SOD2: variants seen among roughly 807,000 people sequenced by gnomAD.
The protein encoded by SOD2 is superoxide dismutase [Mn], mitochondrial.
SOD2 carries 11 observed loss-of-function variants against 27.0 expected under a neutral mutation model. The ratio of observed to expected loss-of-function variants is 0.41; its 90% CI spans 0.26 to 0.67. The LOEUF (loss-of-function observed/expected upper bound fraction) is 0.67, where lower values mean the gene tolerates loss of function less well. SOD2 is among the 30% of genes least tolerant of loss of function. The pLI is 0.34. For missense variants in SOD2, 250 were observed against 274.5 expected, an observed-to-expected ratio of 0.91 and a Z score of 0.63; for synonymous variants, 105 against 103.0, an observed-to-expected ratio of 1.02 and a Z score of -0.12.
rs1441475094 is a variant in SOD2, at chr6:159,673,727, A to G, written c.*8766T>C. 1 of 152,222 alleles carries G rather than the reference A, an allele frequency of 6.6e-6. No individual in the cohort carries two copies. Among genetic ancestry groups the G allele is most frequent in the Non-Finnish European group, 1.5e-5 (1 of 68,032 alleles). 9.4% of individuals were successfully genotyped at this position (152,222 alleles called of 1,614,324 possible). On this transcript the variant is annotated 3_prime_UTR_variant, in exon 5 of 5. Transcript: ENST00000538183. ...GCAAACACATTCAACAGCTAGCAGA[A>G]GACAAGAAATAACTAAGATCAGAGC... is the stretch of plus-strand genomic sequence containing the variant.
intron 1 of SOD2, among the ~76,000 whole-genome samples, chr6:159,724,817 A>G (rs534208941): frequency 3.3e-5 from 5 of 149,626 alleles, no homozygotes; most frequent in African/African-American, 1.2e-4. Context: ...GTACCACTGC[A>G]CTCCAGCCTG....
At chr6:159,745,717 A>T (rs774300529), upstream of SOD2, among the ~76,000 whole-genome samples, 3 of 152,180 alleles carry the variant, frequency 2.0e-5, no homozygotes, top group Non-Finnish European at 4.4e-5. Context: ...TTAGATTTAC[A>T]TTTTAGGTAG....
At chr6:159,732,978 C>A (rs1040827150) in intron 1 of SOD2, among the ~76,000 whole-genome samples, 1 of 151,056 alleles carries the variant, frequency 6.6e-6, no homozygotes, top group South Asian at 2.1e-4. Flanking sequence ...GATTTGATAT[C>A]TGGGTTCTAA....
intron 1 of SOD2, chr6:159,739,131 T>G: frequency 9.0e-7 from 1 of 1,109,576 alleles, no homozygotes; most frequent in Non-Finnish European, 1.3e-6. Context: ...GTGCCAGATA[T>G]TGTTTTTAAT....
chr6:159,692,825 C>T lies in SOD2; in HGVS notation c.62G>A (p.Gly21Asp), dbSNP rs1296673698. 3.7e-6 allele frequency: 6 copies of T among 1,613,354 alleles called. No individual in the cohort carries two copies. Among genetic ancestry groups the T allele is most frequent in the Middle Eastern group, 1.7e-4 (1 of 6,056 alleles). The change falls in exon 2 of 5, where the codon GGC becomes GAC. Residue 21 changes from glycine to aspartate, a missense_variant. Coordinates refer to ENST00000538183, the MANE Select transcript of SOD2 (RefSeq NM_000636.4). ...RQLAPVLGYL[G>D]SRQKHSLPDL... ...GGGGAGGCTGTGCTTCTGCCTGGAG[C>T]CCAGATACCCCAAAACCGGAGCCAG...
intron 3 of SOD2, among the ~76,000 whole-genome samples, chr6:159,686,466 G>A (rs1179378576): frequency 6.6e-6 from 1 of 152,006 alleles, no homozygotes; most frequent in Admixed American, 6.6e-5. Flanking sequence ...GACCAACATG[G>A]AGAAACTCCT....
rs1323912305 is a variant in SOD2 at position 159,674,568 on chromosome 6, A to T, written c.*7925T>A. 3 of 152,250 alleles carry T rather than the reference A, an allele frequency of 2.0e-5. No homozygotes were observed. Among genetic ancestry groups the T allele is most frequent in the Non-Finnish European group, 4.4e-5 (3 of 68,052 alleles). 9.4% of individuals were successfully genotyped at this position (152,250 alleles called of 1,614,324 possible). On this transcript the variant is annotated 3_prime_UTR_variant, in exon 5 of 5. Coordinates refer to ENST00000538183, the MANE Select transcript of SOD2 (RefSeq NM_000636.4). ...ACAGCCCTTCATGCTAAAAACTCTC[A>T]ATGAATTAGGTATTGATGGGACATA...
chr6:159,690,336 C>A (rs563116988), intron 2 of SOD2, among the ~76,000 whole-genome samples: 14 of 150,906 alleles, frequency 9.3e-5, no homozygotes, highest in African/African-American at 3.4e-4. Context: ...GTGGCTCACA[C>A]CTGTAATCCC....
chr6:159,726,026 G>A (rs41267779), intron 1 of SOD2: 2 of 152,158 alleles, frequency 1.3e-5, no homozygotes, highest in Non-Finnish European at 2.9e-5. Context: ...ATGACAAATA[G>A]CACTGCAATA....
chr6:159,739,011 T>C (rs1489462820), intron 1 of SOD2: 1 of 1,612,462 alleles, frequency 6.2e-7, no homozygotes, highest in Admixed American at 1.7e-5. Context: ...TGAAACAGAC[T>C]TCAAAGTTAT....
At chr6:159,732,241 A>C (rs200510625), upstream of SOD2, among the ~76,000 whole-genome samples, 8 of 152,346 alleles carry the variant, frequency 5.3e-5, no homozygotes, top group East Asian at 1.3e-3. Context: ...AATAACTTTT[A>C]TAAGCTGGAA....
upstream of SOD2, chr6:159,748,973 A>G: frequency 9.5e-7 from 1 of 1,055,804 alleles, no homozygotes; most frequent in Non-Finnish European, 1.1e-6. This position sits in a 1 kb window ranked among gnomAD's most constrained non-coding sequence, Gnocchi z 5.6. Context: ...GCTGAGAACC[A>G]ACTTTCAATA....
At chr6:159,726,755 CCA>C in intron 1 of SOD2, 7 of 1,287,642 alleles carry the variant, frequency 5.4e-6, no homozygotes, top group Non-Finnish European at 7.1e-6. Flanking sequence ...CGATGCGTCT[CCA>C]GAGATGTCAA....
chr6:159,754,114 G>A (rs1222734313), intron 1 of SOD2, among the ~76,000 whole-genome samples: 2 of 152,188 alleles, frequency 1.3e-5, no homozygotes, highest in African/African-American at 4.8e-5. Context: ...AAGTGTAGCT[G>A]TATCTCTGTT....
At chr6:159,743,845 C>A in intron 1 of SOD2, 1 of 1,521,606 alleles carries the variant, frequency 6.6e-7, no homozygotes, top group Non-Finnish European at 8.8e-7. Flanking sequence ...GGTTTTTAGT[C>A]CACATTATTA....
upstream of SOD2, among the ~76,000 whole-genome samples, chr6:159,695,804 T>A (rs550076887): frequency 6.6e-6 from 1 of 152,288 alleles, no homozygotes; most frequent in South Asian, 2.1e-4. Context: ...TGGCTGCCTT[T>A]TTTTTAGGTG....
chr6:159,691,716 G>C (rs1383338156), intron 2 of SOD2: 1 of 118,300 alleles, frequency 8.5e-6, no homozygotes, highest in Admixed American at 1.0e-4. Context: ...TTTATCAACC[G>C]AGCTCTTGAG....
intron 1 of SOD2, among the ~76,000 whole-genome samples, chr6:159,715,795 G>A (rs1464457048): frequency 5.9e-5 from 9 of 152,044 alleles, no homozygotes; most frequent in African/African-American, 2.2e-4. Flanking sequence ...AGCTACCTGG[G>A]GGGCTGAGGT....
At chr6:159,703,657 A>G (rs1777566793) in intron 1 of SOD2, among the ~76,000 whole-genome samples, 1 of 152,184 alleles carries the variant, frequency 6.6e-6, no homozygotes, top group Non-Finnish European at 1.5e-5. Flanking sequence ...AACATGCCAA[A>G]TGTTTTCACT....
Sources: allele counts gnomAD v4.1 joint callset (sites outside exome capture counted in the v4.1 genomes callset), GRCh38; gene constraint gnomAD v4.1.1; non-coding constraint Gnocchi (gnomAD v3.1); transcripts MANE v1.5; gene names NCBI Gene and HGNC (gene_info 2026-07-23, HGNC 2026-07-21).